The following PGCKA1 variants were observed in gnomAD, a reference collection of about 807,000 sequenced individuals.
PGCKA1 encodes the protein PDCD10 and GCKIII kinases-associated protein 1.
the PGCKA1 span, among the ~76,000 whole-genome samples, chr4:37,556,757 C>T: frequency 2.4e-4 from 37 of 152,268 alleles, no homozygotes; most frequent in Non-Finnish European, 4.6e-4. Context: ...CTTCTCACCT[C>T]TTTGCTTTTC....
chr4:37,469,052 A>G, the PGCKA1 span, among the ~76,000 whole-genome samples: 73 of 152,260 alleles, frequency 4.8e-4, no homozygotes, highest in African/African-American at 1.8e-3. Context: ...CTGTACATTT[A>G]CTATGTTTAG....
chr4:37,476,867 G>A, the PGCKA1 span, among the ~76,000 whole-genome samples: 26 of 152,174 alleles, frequency 1.7e-4, no homozygotes, highest in African/African-American at 5.8e-4. Context: ...GCCACCCACT[G>A]GGATAGCTGT....
the PGCKA1 span, among the ~76,000 whole-genome samples, chr4:37,473,210 C>T: frequency 6.6e-6 from 1 of 151,870 alleles, no homozygotes; most frequent in African/African-American, 2.4e-5. Flanking sequence ...AGTGTTCTAA[C>T]CATGGGAAAA....
At chr4:37,516,947 T>C in the PGCKA1 span, among the ~76,000 whole-genome samples, 1 of 152,154 alleles carries the variant, frequency 6.6e-6, no homozygotes, top group South Asian at 2.1e-4. Context: ...CTAAAAATTA[T>C]AATCTAGCCA....
chr4:37,460,654 G>A, the PGCKA1 span: 1 of 435,248 alleles, frequency 2.3e-6, no homozygotes, highest in South Asian at 1.7e-5. Flanking sequence ...GTCTGTTCAT[G>A]TCCTTTACCC....
chr4:37,509,219 A>G, the PGCKA1 span, among the ~76,000 whole-genome samples: 86 of 119,122 alleles, frequency 7.2e-4, no homozygotes, highest in Non-Finnish European at 9.1e-4. Context: ...GGTGGCGGCC[A>G]GGCAGAGGGG....
the PGCKA1 span, chr4:37,590,492 A>G: frequency 6.2e-7 from 1 of 1,613,686 alleles, no homozygotes; most frequent in Admixed American, 1.7e-5. Flanking sequence ...AGGAAACAGG[A>G]CTGTGTGCTG....
chr4:37,469,812 T>G, the PGCKA1 span, among the ~76,000 whole-genome samples: 1 of 152,210 alleles, frequency 6.6e-6, no homozygotes, highest in East Asian at 1.9e-4. Flanking sequence ...GATGAGCTAT[T>G]TGAGTCAGTC....
At chr4:37,557,894 C>T in the PGCKA1 span, 1 of 152,188 alleles carries the variant, frequency 6.6e-6, no homozygotes, top group South Asian at 2.1e-4. Context: ...TGTTCCAAGC[C>T]AGGAACTCCT....
the PGCKA1 span, among the ~76,000 whole-genome samples, chr4:37,562,574 G>A: frequency 6.6e-6 from 1 of 152,246 alleles, no homozygotes. Context: ...GGACAGGGCA[G>A]TGGGAGTGCA....
the PGCKA1 span, among the ~76,000 whole-genome samples, chr4:37,494,250 C>G: frequency 2.0e-5 from 3 of 151,938 alleles, no homozygotes; most frequent in African/African-American, 7.3e-5. Context: ...AGCCTGGTAC[C>G]CATTAGTTAT....
chr4:37,545,186 G>A, the PGCKA1 span, among the ~76,000 whole-genome samples: 2 of 152,244 alleles, frequency 1.3e-5, no homozygotes, highest in African/African-American at 4.8e-5. Context: ...CTATCTTTAT[G>A]GTAGAGACTT....
the PGCKA1 span, among the ~76,000 whole-genome samples, chr4:37,550,143 G>A: frequency 6.6e-6 from 1 of 152,138 alleles, no homozygotes; most frequent in African/African-American, 2.4e-5. Context: ...TGACCAGCCC[G>A]ATGTGTGCTA....
chr4:37,480,636 G>A, the PGCKA1 span, among the ~76,000 whole-genome samples: 1 of 152,266 alleles, frequency 6.6e-6, no homozygotes, highest in African/African-American at 2.4e-5. Flanking sequence ...TGTGTGTGGA[G>A]AAGTTCATGG....
chr4:37,571,640 C>A, the PGCKA1 span, among the ~76,000 whole-genome samples: 1 of 152,040 alleles, frequency 6.6e-6, no homozygotes, highest in African/African-American at 2.4e-5. Flanking sequence ...CAGGTTCACA[C>A]CATTCTCCTG....
the PGCKA1 span, among the ~76,000 whole-genome samples, chr4:37,508,683 CT>C: frequency 1.2e-5 from 1 of 84,850 alleles, no homozygotes; most frequent in Non-Finnish European, 2.3e-5. Context: ...TTTGCTGAAT[CT>C]TTTTTTTAGT....
chr4:37,500,422 A>G, the PGCKA1 span, among the ~76,000 whole-genome samples: 1 of 152,174 alleles, frequency 6.6e-6, no homozygotes, highest in African/African-American at 2.4e-5. Flanking sequence ...ATGTAATTAT[A>G]TGATTTTGAG....
the PGCKA1 span, among the ~76,000 whole-genome samples, chr4:37,482,843 C>T: frequency 2.6e-5 from 4 of 152,190 alleles, no homozygotes; most frequent in East Asian, 7.7e-4. Context: ...CCAGCCATGG[C>T]TAAAAGGGGC....
chr4:37,523,379 A>G, the PGCKA1 span, among the ~76,000 whole-genome samples: 3 of 150,560 alleles, frequency 2.0e-5, no homozygotes, highest in South Asian at 6.3e-4. Flanking sequence ...GGTGTTGGTG[A>G]TTCAGGACTT....
Sources: gnomAD v4.1 joint callset for allele counts (sites outside exome capture counted in the v4.1 genomes callset) on GRCh38, gnomAD v4.1.1 for gene constraint, MANE v1.5 for transcripts, NCBI Gene and HGNC (gene_info 2026-07-23, HGNC 2026-07-21) for gene names.